The following CECR2 variants were observed in gnomAD, a reference collection of about 807,000 sequenced individuals.
CECR2 encodes the protein CECR2 histone acetyl-lysine reader.
CECR2 carries 30 observed loss-of-function variants against 154.5 expected under a neutral mutation model. That is an observed-to-expected ratio of 0.19 (90% CI 0.15 to 0.26). The LOEUF (loss-of-function observed/expected upper bound fraction) is 0.26. CECR2 is among the 10% of genes least tolerant of loss of function. The pLI, the probability that CECR2 is intolerant of heterozygous loss-of-function variation, is 1.00. For missense variants in CECR2, 1,743 were observed against 1,829.3 expected (o/e 0.95, Z 0.86); for synonymous variants, 725 against 683.7 (o/e 1.06, Z -0.94).
At chr22:17,373,021 G>A (rs2063078649) in intron 1 of CECR2, among the ~76,000 whole-genome samples, 1 of 152,088 alleles carries the variant, frequency 6.6e-6, no homozygotes, top group African/African-American at 2.4e-5. Context: ...TTAGAAAACT[G>A]TCCCCAAAAC....
rs752492836 is a variant in CECR2, at chr22:17,524,346, A to G, written c.1108+75A>G. 13 of 1,559,338 alleles carry G rather than the reference A, an allele frequency of 8.3e-6. No homozygotes were observed. The Admixed American group carries it at 2.1e-4, about 25-fold the overall frequency. On this transcript the variant is annotated intron_variant, in intron 9 of 18. Coordinates refer to ENST00000262608, the MANE Select transcript of CECR2 (RefSeq NM_001290047.2). ...CCGTCCTGTAGCCAGAGCCAACTCA[A>G]GCTAAGTCCTGCCATGCATCCAAGT...
Position 17,541,932 on chromosome 22 carries a change from G to A in CECR2, c.1978G>A (p.Glu660Lys), listed in dbSNP as rs1367817961. The change falls in exon 15 of 19, where the codon GAG (glutamate) becomes AAG (lysine). Residue 660 changes from glutamate (E) to lysine (K), a missense_variant. Physicochemically the swap from Glu to Lys is moderately conservative, Grantham distance 56 (BLOSUM62 1). Coordinates refer to ENST00000262608, the MANE Select transcript of CECR2 (RefSeq NM_001290047.2). ...TGGAGTCCCGGAGCCACACCCCGGGGAGCCTGTGCAGCAGCGTCAGCCTTT... is the reference window on the plus strand; with the variant it reads ...TGGAGTCCCGGAGCCACACCCCGGGAAGCCTGTGCAGCAGCGTCAGCCTTT... ...SSGVPEPHPG[E>K]PVQQRQPFTM... The A allele has an allele frequency of 1.2e-6, 2 of 1,613,982 alleles. No individual in the cohort carries two copies. The highest frequency in any genetic ancestry group is 4.5e-5 in the East Asian group (2 of 44,880).
intron 7 of CECR2, among the ~76,000 whole-genome samples, chr22:17,507,097 A>T (rs1327616241): frequency 6.6e-6 from 1 of 152,254 alleles, no homozygotes; most frequent in African/African-American, 2.4e-5. Context: ...AAGAGAAAGT[A>T]TTTGTAAATC....
chr22:17,498,206 C>T (rs747927287), intron 3 of CECR2, among the ~76,000 whole-genome samples: 5 of 152,042 alleles, frequency 3.3e-5, no homozygotes, highest in East Asian at 3.9e-4. Context: ...CTGGCTAACA[C>T]GGTGAAATCC....
intron 1 of CECR2, among the ~76,000 whole-genome samples, chr22:17,381,892 T>A (rs569711571): frequency 6.7e-6 from 1 of 148,494 alleles, no homozygotes; most frequent in South Asian, 2.1e-4. Context: ...ACATTTTTTT[T>A]TTTTGTTTTT....
chr22:17,432,215 C>T (rs1277328565), intron 1 of CECR2, among the ~76,000 whole-genome samples: 4 of 152,214 alleles, frequency 2.6e-5, no homozygotes, highest in African/African-American at 9.7e-5. Context: ...TAAGTGGAAT[C>T]ACACAGCCCT....
At chr22:17,441,321 CTAGA>C (rs1355578658) in intron 1 of CECR2, among the ~76,000 whole-genome samples, 2 of 152,070 alleles carry the variant, frequency 1.3e-5, no homozygotes, top group Non-Finnish European at 2.9e-5. Context: ...TGGGATGGCC[CTAGA>C]TAGATCTTTC....
At chr22:17,414,376 T>C (rs1042707822) in intron 1 of CECR2, among the ~76,000 whole-genome samples, 8 of 152,144 alleles carry the variant, frequency 5.3e-5, no homozygotes, top group Non-Finnish European at 1.0e-4. Flanking sequence ...GTGAATTCCC[T>C]AAGTTGGCAA....
chr22:17,475,799 GC>G (rs2146787648), intron 1 of CECR2, among the ~76,000 whole-genome samples: 1 of 152,120 alleles, frequency 6.6e-6, no homozygotes, highest in East Asian at 1.9e-4. Context: ...GCCTCGGCTG[GC>G]CTTTACTTGT....
chr22:17,505,926 C>T (rs1019573442), intron 7 of CECR2, among the ~76,000 whole-genome samples: 5 of 147,448 alleles, frequency 3.4e-5, no homozygotes, highest in Non-Finnish European at 5.9e-5. Context: ...CTCACTGTAG[C>T]CTCGATTTGC....
intron 1 of CECR2, among the ~76,000 whole-genome samples, chr22:17,402,779 C>T (rs1181028945): frequency 4.1e-4 from 45 of 109,150 alleles, no homozygotes; most frequent in Middle Eastern, 7.9e-3. Context: ...TTTTTGGAGA[C>T]GTAGTTTCAC....
intron 1 of CECR2, among the ~76,000 whole-genome samples, chr22:17,375,015 C>T (rs541303255): frequency 1.3e-5 from 2 of 152,114 alleles, no homozygotes; most frequent in African/African-American, 2.4e-5. Flanking sequence ...CTCTAGAGTT[C>T]TTTGGCTCTT....
At chr22:17,502,909 C>G (rs936754669) in intron 5 of CECR2, among the ~76,000 whole-genome samples, 173 bp from the exon 6 acceptor site, 2 of 152,200 alleles carry the variant, frequency 1.3e-5, no homozygotes, top group African/African-American at 4.8e-5. Flanking sequence ...GACCAGCATG[C>G]CTGCATCTTA....
intron 9 of CECR2, among the ~76,000 whole-genome samples, chr22:17,531,900 G>T (rs2056361050): frequency 6.6e-6 from 1 of 152,200 alleles, no homozygotes; most frequent in African/African-American, 2.4e-5. Context: ...CAGGTGCAGT[G>T]GCTCATGCCT....
intron 1 of CECR2, among the ~76,000 whole-genome samples, chr22:17,425,678 A>G (rs73876427): frequency 0.07 from 10,620 of 152,184 alleles, 986 homozygotes; most frequent in East Asian, 0.36. Flanking sequence ...GAGGAGAAGC[A>G]GCATTCTAGA....
At chr22:17,545,828 G>A (rs1467842279) in intron 16 of CECR2, among the ~76,000 whole-genome samples, 1 of 141,096 alleles carries the variant, frequency 7.1e-6, no homozygotes, top group African/African-American at 2.7e-5. Flanking sequence ...GGGCAACAGA[G>A]CAAGACTCCG....
At chr22:17,538,757 C>T (rs1419180345) in intron 12 of CECR2, 26 bp downstream of exon 12, 1 of 1,561,138 alleles carries the variant, frequency 6.4e-7, no homozygotes, top group Non-Finnish European at 8.8e-7. Context: ...GCAGTAATGC[C>T]TACTATAGTG....
intron 1 of CECR2, among the ~76,000 whole-genome samples, chr22:17,451,601 T>C (rs2054771916): frequency 6.6e-6 from 1 of 152,148 alleles, no homozygotes; most frequent in African/African-American, 2.4e-5. Flanking sequence ...CTTCCGTTCC[T>C]CCGAGCACCA....
intron 3 of CECR2, among the ~76,000 whole-genome samples, chr22:17,498,604 G>A (rs1300805677): frequency 6.6e-6 from 1 of 152,140 alleles, no homozygotes; most frequent in Admixed American, 6.6e-5. Context: ...CAGTGAGAAG[G>A]CCAGTACAGG....
Sources: allele counts gnomAD v4.1 joint callset (sites outside exome capture counted in the v4.1 genomes callset), GRCh38; gene constraint gnomAD v4.1.1; transcripts MANE v1.5; gene names NCBI Gene and HGNC (gene_info 2026-07-23, HGNC 2026-07-21).